NCEH1: variants seen among roughly 807,000 people sequenced by gnomAD.
The protein encoded by NCEH1 is 2-acetyl MAGE hydrolase.
NCEH1 carries 9 observed loss-of-function variants against 25.4 expected under a neutral mutation model. That is an observed-to-expected ratio of 0.35 (90% CI 0.21 to 0.62). NCEH1 has a LOEUF of 0.62. Ranked by LOEUF, NCEH1 falls within the 20% of genes least tolerant of loss-of-function variation. NCEH1 has a pLI of 0.72. For missense variants in NCEH1, 412 were observed against 501.1 expected (o/e 0.82, Z 1.70); for synonymous variants, 200 against 199.8 (o/e 1.00, Z -0.01).
chr3:172,651,342 A>G (rs1039123227), intron 1 of NCEH1, among the ~76,000 whole-genome samples: 5 of 152,200 alleles, frequency 3.3e-5, no homozygotes, highest in African/African-American at 9.6e-5. Context: ...TATGATATCA[A>G]TGACAAACTC....
chr3:172,671,120 T>C (rs1711588720), intron 1 of NCEH1, among the ~76,000 whole-genome samples: 2 of 150,496 alleles, frequency 1.3e-5, no homozygotes, highest in South Asian at 4.1e-4. Context: ...CAATATTAAA[T>C]TCAATCTTAG....
intron 1 of NCEH1, among the ~76,000 whole-genome samples, chr3:172,701,592 G>A (rs981434340): frequency 6.7e-6 from 1 of 148,970 alleles, no homozygotes. Context: ...TGGGACTACA[G>A]ACGCGTGCCA....
chr3:172,638,692 T>C (rs1048107733), intron 3 of NCEH1, among the ~76,000 whole-genome samples: 1 of 152,244 alleles, frequency 6.6e-6, no homozygotes, highest in African/African-American at 2.4e-5. Flanking sequence ...TAAACTGTTT[T>C]CCTGGTTGCC....
intron 1 of NCEH1, among the ~76,000 whole-genome samples, chr3:172,681,428 T>C (rs1265995944): frequency 6.6e-6 from 1 of 152,176 alleles, no homozygotes; most frequent in Non-Finnish European, 1.5e-5. Flanking sequence ...ACAATAAACG[T>C]ATCCAAAGGT....
In NCEH1 at chr3:172,635,150, A is replaced by T. The variant is rs147186055; in HGVS notation, c.609+766T>A. Among the ~76,000 whole-genome samples, 219 of 152,338 alleles carry T rather than the reference A, an allele frequency of 1.4e-3. 1 individual carries two copies. The highest frequency in any genetic ancestry group is 5.1e-3 in the African/African-American group (210 of 41,570). On this transcript the variant is annotated intron_variant, in intron 4 of 4. Transcript: ENST00000475381. ...CCAAGAATGTTCTCTCCACTGAGCC[A>T]AGACTCTCTTCTGACCATATTTGGA...
chr3:172,654,996 G>A (rs571615498), intron 1 of NCEH1, among the ~76,000 whole-genome samples: 10 of 152,304 alleles, frequency 6.6e-5, no homozygotes, highest in African/African-American at 2.4e-4. Context: ...TAGAGGTATG[G>A]AACCAAGCCT....
intron 2 of NCEH1, among the ~76,000 whole-genome samples, chr3:172,647,198 A>G (rs1717159100): frequency 6.6e-6 from 1 of 152,348 alleles, no homozygotes; most frequent in East Asian, 1.9e-4. Flanking sequence ...TCTGGACTGA[A>G]GATGAGGAAG....
chr3:172,683,708 T>A (rs1230129236), intron 1 of NCEH1, among the ~76,000 whole-genome samples: 2 of 152,146 alleles, frequency 1.3e-5, no homozygotes, highest in Non-Finnish European at 2.9e-5. Context: ...TAAGGATCAA[T>A]CAGACTTGGT....
chr3:172,677,007 A>G (rs1006608099), intron 1 of NCEH1, among the ~76,000 whole-genome samples: 13 of 152,300 alleles, frequency 8.5e-5, no homozygotes, highest in African/African-American at 3.1e-4. Context: ...TCCTGAGGCT[A>G]CCCAAGCTGC....
intron 1 of NCEH1, among the ~76,000 whole-genome samples, chr3:172,682,288 G>C (rs538763827): frequency 2.4e-4 from 36 of 152,300 alleles, no homozygotes; most frequent in South Asian, 1.0e-3. Flanking sequence ...CCCTGGGAAG[G>C]CTTCTAAGAC....
intron 1 of NCEH1, among the ~76,000 whole-genome samples, chr3:172,668,875 C>G (rs1286131313): frequency 2.6e-5 from 4 of 152,014 alleles, no homozygotes; most frequent in African/African-American, 9.7e-5. Flanking sequence ...GGTATTAGGT[C>G]AGTATGATGA....
chr3:172,655,540 C>G (rs1317288778), intron 1 of NCEH1, among the ~76,000 whole-genome samples: 2 of 152,224 alleles, frequency 1.3e-5, no homozygotes, highest in Admixed American at 1.3e-4. Flanking sequence ...GAAAGGCAAA[C>G]AGATGTTTCT....
chr3:172,639,390 A>G (rs1716747889), intron 3 of NCEH1, among the ~76,000 whole-genome samples: 1 of 152,180 alleles, frequency 6.6e-6, no homozygotes, highest in African/African-American at 2.4e-5. Flanking sequence ...GAACTTTCAA[A>G]GTAGCTTGAA....
intron 1 of NCEH1, among the ~76,000 whole-genome samples, chr3:172,651,428 T>C (rs1186062967): frequency 6.6e-6 from 1 of 152,180 alleles, no homozygotes; most frequent in East Asian, 1.9e-4. Context: ...CCTACCATAC[T>C]GCCCAGAAAA....
intron 1 of NCEH1, among the ~76,000 whole-genome samples, chr3:172,688,249 G>T (rs1205321323): frequency 1.4e-5 from 2 of 138,268 alleles, no homozygotes; most frequent in African/African-American, 5.6e-5. Context: ...AGAATCGCTT[G>T]AATCTGGGAG....
At chr3:172,700,255 C>T (rs1163486004) in intron 1 of NCEH1, among the ~76,000 whole-genome samples, 2 of 152,110 alleles carry the variant, frequency 1.3e-5, no homozygotes, top group African/African-American at 4.8e-5. Context: ...CAAGCTCATA[C>T]AGATTTCCCC....
intron 1 of NCEH1, among the ~76,000 whole-genome samples, chr3:172,682,072 C>A (rs1712412468): frequency 6.6e-6 from 1 of 152,152 alleles, no homozygotes; most frequent in African/African-American, 2.4e-5. Flanking sequence ...TTTTCCTAAC[C>A]CACACATCAG....
chr3:172,685,803 C>A (rs921385466), intron 1 of NCEH1, among the ~76,000 whole-genome samples: 2 of 152,190 alleles, frequency 1.3e-5, no homozygotes, highest in African/African-American at 2.4e-5. Flanking sequence ...TAGACAAGTA[C>A]GACAACCAGA....
At chr3:172,651,614 A>G (rs1440966070) in intron 1 of NCEH1, among the ~76,000 whole-genome samples, 1 of 151,376 alleles carries the variant, frequency 6.6e-6, no homozygotes, top group Admixed American at 6.6e-5. Context: ...GCTGGAATGC[A>G]GTGGTGTGAT....
Sources: allele counts gnomAD v4.1 joint callset (sites outside exome capture counted in the v4.1 genomes callset), GRCh38; gene constraint gnomAD v4.1.1; transcripts MANE v1.5; gene names NCBI Gene and HGNC (gene_info 2026-07-23, HGNC 2026-07-21).